The following DNAI1 variants were observed in gnomAD, a reference collection of about 807,000 sequenced individuals.
DNAI1 encodes dynein, axonemal, intermediate polypeptide 1.
DNAI1 carries 67 observed loss-of-function variants against 92.0 expected under a neutral mutation model. The ratio of observed to expected loss-of-function variants is 0.73; its 90% confidence interval spans 0.60 to 0.89. The LOEUF is 0.89. Among genes scored for constraint, DNAI1 ranks in the 40% least tolerant of loss-of-function variants. DNAI1 has a pLI of 0.00. For missense variants in DNAI1, 839 were observed against 866.6 expected, an observed-to-expected ratio of 0.97 and a Z score of 0.40; for synonymous variants, 323 against 319.6, an observed-to-expected ratio of 1.01 and a Z score of -0.11.
intron 1 of DNAI1, among the ~76,000 whole-genome samples, chr9:34,481,341 A>G (rs1403709896): frequency 6.6e-6 from 1 of 152,258 alleles, no homozygotes; most frequent in East Asian, 1.9e-4. Flanking sequence ...ACCAGTTGCA[A>G]ATAAATTCCC....
At chr9:34,490,303 C>T (rs1824561527) in intron 6 of DNAI1, 66 bp from the exon 7 acceptor site, 2 of 1,613,602 alleles carry the variant, frequency 1.2e-6, no homozygotes, top group African/African-American at 2.7e-5. Flanking sequence ...CAGGGCTTGC[C>T]CCATCTCCCG....
intron 1 of DNAI1, chr9:34,478,648 A>T (rs1352481310): frequency 6.6e-6 from 1 of 152,236 alleles, no homozygotes; most frequent in Non-Finnish European, 1.5e-5. Flanking sequence ...AGGCTGAGAC[A>T]TCTGTTATCC....
At chr9:34,510,422 T>C (rs927862692) in intron 13 of DNAI1, among the ~76,000 whole-genome samples, 7 of 151,842 alleles carry the variant, frequency 4.6e-5, no homozygotes, top group African/African-American at 1.7e-4. Context: ...GAGACTAGGG[T>C]CAAGCAGGTC....
intron 13 of DNAI1, among the ~76,000 whole-genome samples, chr9:34,508,852 C>T (rs1441443299): frequency 3.3e-5 from 5 of 152,248 alleles, no homozygotes; most frequent in East Asian, 3.8e-4. Flanking sequence ...GCCAGGAAAA[C>T]AGGGCTGCTG....
chr9:34,480,453 T>G (rs1202064219), intron 1 of DNAI1, among the ~76,000 whole-genome samples: 10 of 151,830 alleles, frequency 6.6e-5, no homozygotes. Flanking sequence ...AATTTTTGTA[T>G]TTTTAGTAGA....
intron 13 of DNAI1, among the ~76,000 whole-genome samples, chr9:34,510,980 C>G (rs958472970): frequency 1.3e-5 from 2 of 152,250 alleles, no homozygotes; most frequent in Non-Finnish European, 2.9e-5. Context: ...CTCAGGCTGG[C>G]TGGGGAGAGG....
intron 4 of DNAI1, chr9:34,488,056 C>G (rs1824507519): frequency 2.5e-6 from 1 of 392,244 alleles, no homozygotes; most frequent in Non-Finnish European, 5.1e-6. Context: ...TAATTTATTC[C>G]TTGGGAATCT....
Position 34,501,195 on chromosome 9 carries a change from C to G in DNAI1, c.1063+14C>G. ...GATATGGCTCTTGTAAGTGATCTGA[C>G]TATTCATTTATTTGCTCATGTAAAC... On this transcript the variant is annotated intron_variant, in intron 12 of 19. Coordinates refer to ENST00000242317, the MANE Select transcript of DNAI1 (RefSeq NM_012144.4). 6.2e-7 allele frequency: 1 copy of G among 1,606,298 alleles called. No homozygotes were observed. The highest frequency in any genetic ancestry group is 8.5e-7 in the Non-Finnish European group (1 of 1,172,814).
intron 4 of DNAI1, 30 bp downstream of exon 4, chr9:34,485,547 C>T: frequency 6.3e-7 from 1 of 1,597,040 alleles, no homozygotes. Flanking sequence ...GCAGGGGCAT[C>T]TATACCCATC....
At position 34,514,719 on chromosome 9, in the gene DNAI1, G is replaced by T; in HGVS notation, c.1798G>T (p.Ala600Ser). Residue 600 changes from alanine (A) to serine (S), a missense_variant, in exon 18 of 20, where the codon GCA becomes TCA. By Grantham distance (99) the Ala-to-Ser change is moderately conservative. Transcript: ENST00000242317. ...GCCATACTCTTCTACTGTGTTCGCA[G>T]CAGTCACCACAGATGGGAAGGTGAG... ...WAPYSSTVFAAVTTDGKAHIF... is the reference protein window; with the variant it reads ...WAPYSSTVFASVTTDGKAHIF... The T allele has an allele frequency of 6.2e-7, 1 of 1,614,070 alleles. No homozygotes were observed. The highest frequency in any genetic ancestry group is 8.5e-7 in the Non-Finnish European group (1 of 1,180,040).
chr9:34,485,412 C>T lies in DNAI1; in HGVS notation c.181-25C>T, dbSNP rs376344776. On this transcript the variant is annotated intron_variant, in intron 3 of 19. Transcript: ENST00000242317. Reference sequence around the variant, plus strand: ...AGGGTTGGGGGGTCTTCATGTATGACCCTCTTGGTATTTTTCTCCCTCAGG... The same window carrying T: ...AGGGTTGGGGGGTCTTCATGTATGATCCTCTTGGTATTTTTCTCCCTCAGG... 4.3e-6 allele frequency: 7 copies of T among 1,613,048 alleles called. No individual in the cohort carries two copies. In the African/African-American group the frequency reaches 6.7e-5, roughly 15 times the overall value.
Position 34,497,930 on chromosome 9 carries a change from G to A in DNAI1, c.901+731G>A, listed in dbSNP as rs117950636. 6.0e-3 allele frequency among the ~76,000 whole-genome samples: 919 copies of A among 152,286 alleles called. 4 individuals are homozygous for A. The highest frequency in any genetic ancestry group is 0.011 in the Non-Finnish European group (728 of 68,026). On this transcript the variant is annotated intron_variant, in intron 10 of 19. Coordinates refer to ENST00000242317, the MANE Select transcript of DNAI1 (RefSeq NM_012144.4). ...ATTGAAAAGAGGTGAGAGTTCAGGCGGAAGAGGTTGTTGGAGCCCATTAAT... is the reference window on the plus strand; with the variant it reads ...ATTGAAAAGAGGTGAGAGTTCAGGCAGAAGAGGTTGTTGGAGCCCATTAAT...
chr9:34,499,282 A>T (rs1351549434), intron 10 of DNAI1, among the ~76,000 whole-genome samples: 1 of 152,232 alleles, frequency 6.6e-6, no homozygotes, highest in African/African-American at 2.4e-5. Context: ...GTGAAGTCCC[A>T]CAACCTCAAG....
intron 8 of DNAI1, among the ~76,000 whole-genome samples, chr9:34,492,515 TA>T (rs1564033927): frequency 8.4e-6 from 1 of 119,032 alleles, no homozygotes; most frequent in Non-Finnish European, 1.8e-5. Context: ...TATATATATA[TA>T]TATATATATA....
intron 7 of DNAI1, 95 bp from the exon 8 acceptor site, chr9:34,491,399 GC>G (rs1824588111): frequency 7.3e-7 from 1 of 1,373,556 alleles, no homozygotes; most frequent in Non-Finnish European, 1.0e-6. Context: ...ACCTCCATCA[GC>G]CCCAGCCAAA....
At chr9:34,497,298 T>TA in intron 10 of DNAI1, 99 bp downstream of exon 10, 1 of 892,150 alleles carries the variant, frequency 1.1e-6, no homozygotes, top group Non-Finnish European at 1.9e-6. Flanking sequence ...CTCCTATAGG[T>TA]GCAAGCGGAG....
intron 1 of DNAI1, among the ~76,000 whole-genome samples, chr9:34,465,422 G>GT (rs1310134574): frequency 6.6e-6 from 1 of 152,234 alleles, no homozygotes; most frequent in Non-Finnish European, 1.5e-5. Context: ...AGCTGAGACA[G>GT]TTTTTTCTTC....
rs149230619 is a variant in DNAI1, at chr9:34,490,099, G to A, written c.476G>A (p.Ser159Asn). 8.1e-5 allele frequency: 131 copies of A among 1,613,964 alleles called. No individual in the cohort carries two copies. Among genetic ancestry groups the A allele is most frequent in the Non-Finnish European group, 1.0e-4 (123 of 1,180,014 alleles). ...EPKELETEPGSQTDVPAAGAA... is the reference protein window; with the variant it reads ...EPKELETEPGNQTDVPAAGAA... ...AAGGAGTTAGAAACTGAGCCTGGGA[G>A]TCAAACAGATGTGCCTGCAGCTGGG... Residue 159 changes from serine to asparagine, a missense_variant, in exon 6 of 20, where the codon AGT (serine) becomes AAT (asparagine). By Grantham distance (46) the Ser-to-Asn change is conservative (BLOSUM62 1). Transcript: ENST00000242317.
At position 34,489,401 on chromosome 9, in the gene DNAI1, G is replaced by A; in HGVS notation, c.340G>A (p.Asp114Asn). The A allele has an allele frequency of 6.2e-7, 1 of 1,614,150 alleles. No individual in the cohort carries two copies. Among genetic ancestry groups the A allele is most frequent in the Non-Finnish European group, 8.5e-7 (1 of 1,180,020 alleles). Residue 114 changes from aspartate to asparagine, a missense_variant, in exon 5 of 20, where the codon GAC becomes AAC. Coordinates refer to ENST00000242317, the MANE Select transcript of DNAI1 (RefSeq NM_012144.4). ...CCAGGTTGGGAACCTGATCCCCAAA[G>A]ACTCAGATGAAGGACGGCGGCAGCA... is the stretch of plus-strand genomic sequence containing the variant. ...YTQVGNLIPK[D>N]SDEGRRQHYR...
Sources: allele counts gnomAD v4.1 joint callset (sites outside exome capture counted in the v4.1 genomes callset), GRCh38; gene constraint gnomAD v4.1.1; transcripts MANE v1.5; gene names NCBI Gene and HGNC (gene_info 2026-07-23, HGNC 2026-07-21).